ZNF608: variants seen among roughly 807,000 people sequenced by gnomAD.
ZNF608 encodes the protein renal carcinoma antigen NY-REN-36.
In ZNF608, 12 loss-of-function variants were observed where a neutral mutation model predicts 109.0. The observed-to-expected ratio is 0.11, with a 90% CI of 0.07 to 0.18. The LOEUF (loss-of-function observed/expected upper bound fraction) is 0.18. Ranked by LOEUF, ZNF608 falls within the 10% of genes least tolerant of loss-of-function variation. The pLI is 1.00. For synonymous variants in ZNF608, 732 were observed against 717.4 expected (o/e 1.02, Z -0.33); for missense variants, 1,707 against 1,879.3 (o/e 0.91, Z 1.70).
At chr5:124,655,429 T>C (rs1355449868) in intron 3 of ZNF608, among the ~76,000 whole-genome samples, 1 of 152,214 alleles carries the variant, frequency 6.6e-6, no homozygotes. Flanking sequence ...GACAGAAGTT[T>C]TTTTGAACTC....
chr5:124,640,202 A>G (rs1261396113), intron 8 of ZNF608, among the ~76,000 whole-genome samples: 1 of 152,252 alleles, frequency 6.6e-6, no homozygotes, highest in African/African-American at 2.4e-5. Flanking sequence ...TTCACACAGT[A>G]GCATAAGAGG....
intron 3 of ZNF608, among the ~76,000 whole-genome samples, chr5:124,683,252 G>A (rs1181716467): frequency 2.0e-5 from 3 of 152,180 alleles, no homozygotes; most frequent in Admixed American, 2.0e-4. Flanking sequence ...GAAACCTTCT[G>A]AGACAACCTG....
At position 124,746,257 on chromosome 5, in the gene ZNF608, C is replaced by T. The variant is rs1749637444; in HGVS notation, c.-246G>A. ...ATCAAAATGCCTTTCCCACTCCACT[C>T]GGCAAACAAGCCTGTGCCTCATTTT... On this transcript the variant is annotated 5_prime_UTR_variant, in exon 1 of 10. Coordinates refer to ENST00000513986, the MANE Select transcript of ZNF608 (RefSeq NM_020747.3). 3 of 985,412 alleles carry T rather than the reference C, an allele frequency of 3.0e-6. No homozygotes were observed. The highest frequency in any genetic ancestry group is 9.4e-5 in the South Asian group (2 of 21,278). 61.0% of individuals were successfully genotyped at this position (985,412 alleles called of 1,614,324 possible).
chr5:124,638,020 G>T lies in ZNF608; in HGVS notation c.4533-114C>A, dbSNP rs113407969. On this transcript the variant is annotated intron_variant, in intron 9 of 9. Transcript: ENST00000513986. ...GGCTAGAGTGCCATGGCTCAATCTC[G>T]GCTCACCGCAACCTCTGCCTCCTGG... is the stretch of plus-strand genomic sequence containing the variant. 7.3e-6 allele frequency: 8 copies of T among 1,101,578 alleles called. No homozygotes were observed. In the South Asian group the frequency reaches 1.1e-4, roughly 15 times the overall value. The allele number at this position is 1,101,578 out of a possible 1,614,324, so 68.2% of individuals were successfully genotyped here.
At chr5:124,651,081 A>C (rs1196418310) in intron 3 of ZNF608, among the ~76,000 whole-genome samples, 2 of 152,248 alleles carry the variant, frequency 1.3e-5, no homozygotes, top group East Asian at 3.8e-4. Context: ...ACTCTGTGTT[A>C]ATTCAGTGTA....
chr5:124,688,123 G>A (rs1372519297), intron 3 of ZNF608, among the ~76,000 whole-genome samples: 3 of 152,112 alleles, frequency 2.0e-5, no homozygotes, highest in African/African-American at 7.2e-5. Context: ...AGTTCAGAAT[G>A]GATGTTTGAC....
rs761806030 is a variant in ZNF608, at chr5:124,744,622, G to T, written c.368C>A (p.Ala123Asp). Residue 123 changes from alanine to aspartate, a missense_variant, in exon 2 of 10, where the codon GCC (alanine) becomes GAC (aspartate). Ala to Asp is a moderately radical substitution (Grantham distance 126). Around this residue, in one of 7 missense-constraint regions of ZNF608, gnomAD observed 407 missense variants for 398.7 expected, o/e 1.02. Transcript: ENST00000513986. The surrounding 1 kb of genome is among the most constrained non-coding windows in gnomAD (Gnocchi z 4.5). ...KDANKSLPSA[A>D]LYGIPEISST... The stretch of plus-strand genomic sequence containing the variant: ...GCTGATCTCGGGAATCCCATACAAG[G>T]CAGCAGAAGGCAGAGATTTATTAGC... 6.2e-7 allele frequency: 1 copy of T among 1,614,216 alleles called. No individual in the cohort carries two copies. The highest frequency in any genetic ancestry group is 1.1e-5 in the South Asian group (1 of 91,090).
chr5:124,744,471 G>A lies in ZNF608; in HGVS notation c.519C>T (p.Ser173=), dbSNP rs748432833. The part of the protein sequence containing the change: ...GNPNSNSTST[S]TSAATAGAGS... ...CTGCCCCCGCGGTGGCGGCAGAGGT[G>A]CTGGTGCTGGTACTATTGCTGTTTG... The change falls in exon 2 of 10, where the codon AGC becomes AGT. Residue 173 remains serine, a synonymous_variant. Coordinates refer to ENST00000513986, the MANE Select transcript of ZNF608 (RefSeq NM_020747.3). The surrounding 1 kb of genome is among the most constrained non-coding windows in gnomAD (Gnocchi z 4.5). 4 of 1,614,230 alleles carry A rather than the reference G, an allele frequency of 2.5e-6. No individual in the cohort carries two copies. Among genetic ancestry groups the A allele is most frequent in the Middle Eastern group, 1.6e-4 (1 of 6,062 alleles).
At chr5:124,746,640 G>T (rs1037145612), upstream of ZNF608, 13 of 985,230 alleles carry the variant, frequency 1.3e-5, no homozygotes. Context: ...CGCTAGTAAC[G>T]AGACAGAATG....
intron 2 of ZNF608, among the ~76,000 whole-genome samples, chr5:124,723,017 G>A (rs2149881550): frequency 6.6e-6 from 1 of 151,226 alleles, no homozygotes; most frequent in South Asian, 2.1e-4. Flanking sequence ...AGCAGTAGGA[G>A]ACTTTAAAAA....
chr5:124,678,469 T>C (rs1752053578), intron 3 of ZNF608, among the ~76,000 whole-genome samples: 1 of 152,182 alleles, frequency 6.6e-6, no homozygotes, highest in Admixed American at 6.5e-5. Context: ...GATAGGTTCC[T>C]GTAAATGTAG....
At chr5:124,673,334 T>G (rs1431080089) in intron 3 of ZNF608, among the ~76,000 whole-genome samples, 1 of 152,230 alleles carries the variant, frequency 6.6e-6, no homozygotes, top group Non-Finnish European at 1.5e-5. Context: ...TACAGATACG[T>G]AGATATCTCT....
intron 9 of ZNF608, chr5:124,638,806 C>T (rs746857919): frequency 6.4e-6 from 7 of 1,094,044 alleles, no homozygotes; most frequent in Admixed American, 4.5e-5. Flanking sequence ...AAATAAATGT[C>T]TCCATTTGCG....
At chr5:124,657,457 C>T (rs185475097) in intron 3 of ZNF608, among the ~76,000 whole-genome samples, 10 of 152,042 alleles carry the variant, frequency 6.6e-5, no homozygotes, top group East Asian at 3.9e-4. Flanking sequence ...GTCAGGAGAT[C>T]GAGACCATCC....
intron 8 of ZNF608, among the ~76,000 whole-genome samples, chr5:124,639,783 T>G (rs1750154547): frequency 2.0e-5 from 3 of 152,190 alleles, no homozygotes; most frequent in South Asian, 4.1e-4. Flanking sequence ...GAGAATTCTT[T>G]TAAATTCTAT....
At chr5:124,720,544 C>T (rs1012365135) in intron 2 of ZNF608, among the ~76,000 whole-genome samples, 1 of 152,140 alleles carries the variant, frequency 6.6e-6, no homozygotes, top group Admixed American at 6.5e-5. Flanking sequence ...TGTATAGCTT[C>T]AATCTGTTAA....
Position 124,744,252 on chromosome 5 carries a change from G to A in ZNF608, c.738C>T (p.Gly246=), listed in dbSNP as rs946037581. 3 of 1,613,080 alleles carry A rather than the reference G, an allele frequency of 1.9e-6. No individual in the cohort carries two copies. In the African/African-American group the frequency reaches 4.0e-5, roughly 22 times the overall value. Residue 246 remains glycine, a synonymous_variant, in exon 2 of 10, where the codon GGC becomes GGT. Transcript: ENST00000513986. The surrounding 1 kb of genome is among the most constrained non-coding windows in gnomAD (Gnocchi z 4.5). ...YGFGAKSNGG[G]ASPFHCGGTG... ...TGCCCCCGCAGTGGAAGGGGCTCGCGCCACCTCCATTGCTCTTGGCCCCAA... is the reference window on the plus strand; with the variant it reads ...TGCCCCCGCAGTGGAAGGGGCTCGCACCACCTCCATTGCTCTTGGCCCCAA...
At chr5:124,707,198 G>A (rs558269639) in intron 2 of ZNF608, among the ~76,000 whole-genome samples, 1 of 152,318 alleles carries the variant, frequency 6.6e-6, no homozygotes, top group South Asian at 2.1e-4. Flanking sequence ...CAGCCAGTGA[G>A]GATAGGTGGC....
At position 124,644,538 on chromosome 5, in the gene ZNF608, T is replaced by C; in HGVS notation, c.3829A>G (p.Lys1277Glu). The C allele has an allele frequency of 6.2e-6, 10 of 1,614,198 alleles. No individual in the cohort carries two copies. The highest frequency in any genetic ancestry group is 8.5e-6 in the Non-Finnish European group (10 of 1,180,032). ...GGAAGGCTGGGCACACCACTCTCTTTATTAGGAGTTTTCCTCGGACTATCC... is the reference window on the plus strand; with the variant it reads ...GGAAGGCTGGGCACACCACTCTCTTCATTAGGAGTTTTCCTCGGACTATCC... Reference protein sequence around the residue: ...KEDSPRKTPNKESGVPSLPVS... With the variant: ...KEDSPRKTPNEESGVPSLPVS... The change falls in exon 6 of 10, where the codon AAA becomes GAA. Residue 1277 changes from lysine (K) to glutamate (E), a missense_variant. Physicochemically the swap from Lys to Glu is moderately conservative, Grantham distance 56. Around this residue, in one of 7 missense-constraint regions of ZNF608, gnomAD observed 1,073 missense variants for 1,133.5 expected, o/e 0.95. Coordinates refer to ENST00000513986, the MANE Select transcript of ZNF608 (RefSeq NM_020747.3).
Sources: gnomAD v4.1 joint callset for allele counts (sites outside exome capture counted in the v4.1 genomes callset) on GRCh38, gnomAD v4.1.1 for gene constraint, gnomAD v4.1.1 regional missense constraint, Gnocchi (gnomAD v3.1) non-coding constraint, MANE v1.5 for transcripts, NCBI Gene and HGNC (gene_info 2026-07-23, HGNC 2026-07-21) for gene names.